Variants in FGF12 observed in about 807,000 individuals in gnomAD.
The protein encoded by FGF12 is fibroblast growth factor 12, also known as fibroblast growth factor 12B.
A neutral mutation model predicts 23.6 loss-of-function variants in FGF12; 14 were observed. That is an observed-to-expected ratio of 0.59 (90% CI 0.39 to 0.93). The LOEUF (loss-of-function observed/expected upper bound fraction) is 0.93. FGF12 is among the 40% of genes least tolerant of loss of function. The pLI, the probability that FGF12 is intolerant of heterozygous loss-of-function variation, is 0.00. For missense variants in FGF12, 175 were observed against 217.8 expected, an observed-to-expected ratio of 0.80 and a Z score of 1.24; for synonymous variants, 62 against 77.3, an observed-to-expected ratio of 0.80 and a Z score of 1.04.
At chr3:192,484,814 C>T (rs868003928) in intron 2 of FGF12, among the ~76,000 whole-genome samples, 3 of 152,162 alleles carry the variant, frequency 2.0e-5, no homozygotes, top group Admixed American at 6.5e-5. Flanking sequence ...ATGGTGCTCC[C>T]GGAACTGTGC....
chr3:192,190,827 C>T (rs1447714692), intron 4 of FGF12, among the ~76,000 whole-genome samples: 1 of 152,138 alleles, frequency 6.6e-6, no homozygotes, highest in Non-Finnish European at 1.5e-5. Flanking sequence ...CAACATCTCC[C>T]CATGAAAAGA....
chr3:192,547,142 C>T (rs185213314), intron 2 of FGF12, among the ~76,000 whole-genome samples: 3 of 152,292 alleles, frequency 2.0e-5, no homozygotes, highest in Admixed American at 2.0e-4. Context: ...GTACTAATTT[C>T]ACATATCAAA....
At chr3:192,561,530 T>A (rs1257239435) in intron 2 of FGF12, among the ~76,000 whole-genome samples, 1 of 152,084 alleles carries the variant, frequency 6.6e-6, no homozygotes, top group Non-Finnish European at 1.5e-5. Flanking sequence ...GCCCAGCTAA[T>A]TTTTTATATT....
chr3:192,545,755 A>G (rs1725479412), intron 2 of FGF12, among the ~76,000 whole-genome samples: 1 of 152,220 alleles, frequency 6.6e-6, no homozygotes, highest in Non-Finnish European at 1.5e-5. Context: ...ATATTAAAAA[A>G]TATTCTCTTT....
chr3:192,415,921 C>A (rs1264501399), intron 2 of FGF12, among the ~76,000 whole-genome samples: 1 of 152,006 alleles, frequency 6.6e-6, no homozygotes, highest in Non-Finnish European at 1.5e-5. Flanking sequence ...CATACTGTCA[C>A]CCATGTTCAC....
chr3:192,252,445 G>A (rs1453694228), intron 4 of FGF12, among the ~76,000 whole-genome samples: 1 of 106,906 alleles, frequency 9.4e-6, no homozygotes, highest in African/African-American at 3.7e-5. Context: ...CCTGGGTAAT[G>A]GAGTGAGAAT....
At chr3:192,424,619 T>G (rs1377776230) in intron 2 of FGF12, among the ~76,000 whole-genome samples, 1 of 152,176 alleles carries the variant, frequency 6.6e-6, no homozygotes, top group Non-Finnish European at 1.5e-5. Context: ...AGTTATCTTT[T>G]AAAACAACTA....
chr3:192,163,487 T>C (rs1714988868), intron 5 of FGF12, among the ~76,000 whole-genome samples: 1 of 152,192 alleles, frequency 6.6e-6, no homozygotes, highest in Non-Finnish European at 1.5e-5. Context: ...ATCACAATAA[T>C]ATGAATAAAT....
At chr3:192,579,941 A>C (rs1291158302) in intron 2 of FGF12, among the ~76,000 whole-genome samples, 3 of 152,052 alleles carry the variant, frequency 2.0e-5, no homozygotes. Flanking sequence ...CTATTCACTC[A>C]TTCATTGAGG....
chr3:192,217,388 T>A (rs1295535755), intron 4 of FGF12, among the ~76,000 whole-genome samples: 1 of 152,222 alleles, frequency 6.6e-6, no homozygotes, highest in Non-Finnish European at 1.5e-5. Context: ...TTTCACTTTG[T>A]ACCAGCCGGT....
At chr3:192,144,367 T>C (rs746086589) in intron 5 of FGF12, among the ~76,000 whole-genome samples, 12 of 152,082 alleles carry the variant, frequency 7.9e-5, no homozygotes, top group Non-Finnish European at 1.8e-4. Context: ...TTCTGTTCTC[T>C]CATAGATAAG....
chr3:192,483,027 AAT>A lies in FGF12; in HGVS notation c.14-122491_14-122490del, dbSNP rs533098650. Among the ~76,000 whole-genome samples the A allele has an allele frequency of 6.5e-4, 99 of 152,264 alleles. No individual in the cohort carries two copies. The Middle Eastern group carries it at 0.014, about 21-fold the overall frequency. On this transcript the variant is annotated intron_variant, in intron 2 of 5. Transcript: ENST00000445105. Reference sequence around the variant, plus strand: ...CTTCTACAACTTACAACCTGGCTTCAATATATGTTTCCAGCTTCACCTCCTAC... The same window carrying A: ...CTTCTACAACTTACAACCTGGCTTCAATATGTTTCCAGCTTCACCTCCTAC...
chr3:192,629,967 C>A (rs1429307765), intron 2 of FGF12, among the ~76,000 whole-genome samples: 4 of 152,160 alleles, frequency 2.6e-5, no homozygotes, highest in Non-Finnish European at 5.9e-5. Context: ...CGGCCCAAAT[C>A]GCATGTTGAA....
rs1846958 is a variant in FGF12 at position 192,579,812 on chromosome 3, C to A, written c.13+147369G>T. 2.0e-5 allele frequency among the ~76,000 whole-genome samples: 3 copies of A among 152,096 alleles called. No homozygotes were observed. In the East Asian group the frequency reaches 5.8e-4, roughly 29 times the overall value. On this transcript the variant is annotated intron_variant, in intron 2 of 5. Coordinates refer to ENST00000445105, the MANE Select transcript of FGF12 (RefSeq NM_004113.6). ...GTTGAACTCCTGACCTCAGGTGGTC[C>A]GATCATCTCGGCCTCCCCAAATGCT... is the stretch of plus-strand genomic sequence containing the variant.
chr3:192,662,692 G>A (rs189626549), intron 2 of FGF12, among the ~76,000 whole-genome samples: 46 of 152,244 alleles, frequency 3.0e-4, no homozygotes. Flanking sequence ...TCTCCTCTAA[G>A]TATCATTTTC....
chr3:192,171,471 T>C (rs12485854), intron 4 of FGF12, among the ~76,000 whole-genome samples: 6,627 of 152,250 alleles, frequency 0.044, 190 homozygotes, highest in Admixed American at 0.059. Flanking sequence ...ACAATCACAG[T>C]CTCTCAGGCT....
intron 5 of FGF12, among the ~76,000 whole-genome samples, chr3:192,158,778 A>C (rs1377892332): frequency 1.4e-5 from 2 of 143,504 alleles, no homozygotes; most frequent in African/African-American, 2.6e-5. Flanking sequence ...CTGACTTTGC[A>C]TTTCACTTAG....
At chr3:192,711,321 C>T (rs912258137) in intron 2 of FGF12, among the ~76,000 whole-genome samples, 1 of 147,268 alleles carries the variant, frequency 6.8e-6, no homozygotes, top group African/African-American at 2.6e-5. Flanking sequence ...CCGCCCCATC[C>T]GGGAGGTGGG....
At chr3:192,204,840 C>T (rs966098885) in intron 4 of FGF12, among the ~76,000 whole-genome samples, 5 of 151,826 alleles carry the variant, frequency 3.3e-5, no homozygotes, top group African/African-American at 1.2e-4. Flanking sequence ...GAGCCAAGAT[C>T]GCACCAAGAC....
Sources: allele counts gnomAD v4.1 joint callset (sites outside exome capture counted in the v4.1 genomes callset), GRCh38; gene constraint gnomAD v4.1.1; transcripts MANE v1.5; gene names NCBI Gene and HGNC (gene_info 2026-07-23, HGNC 2026-07-21).